The following PPM1D variants were observed in gnomAD, a reference collection of about 807,000 sequenced individuals.
The protein encoded by PPM1D is protein phosphatase 1D.
Under a neutral mutation model 58.3 loss-of-function variants are expected in PPM1D, and 52 were observed. The ratio of observed to expected loss-of-function variants is 0.89; its 90% CI spans 0.71 to 1.12. The LOEUF (loss-of-function observed/expected upper bound fraction) is 1.12. Among genes scored for constraint, PPM1D ranks in the 50% most tolerant of loss-of-function variants. PPM1D has a pLI of 0.00. For missense variants in PPM1D, 564 were observed against 777.2 expected (o/e 0.73, Z 3.26); for synonymous variants, 278 against 285.1 (o/e 0.98, Z 0.25).
At chr17:60,634,522 C>G (rs2030987265) in intron 3 of PPM1D, among the ~76,000 whole-genome samples, 1 of 152,164 alleles carries the variant, frequency 6.6e-6, no homozygotes, top group Non-Finnish European at 1.5e-5. Context: ...ATATGCATAT[C>G]TAGGCTTAAT....
chr17:60,600,988 AAG>A, intron 1 of PPM1D, 102 bp downstream of exon 1: 1 of 1,503,978 alleles, frequency 6.6e-7, no homozygotes, highest in Non-Finnish European at 9.0e-7. Context: ...AGCGCAACCA[AAG>A]TATACACTGA....
intron 2 of PPM1D, among the ~76,000 whole-genome samples, 160 bp downstream of exon 2, chr17:60,623,909 A>G (rs2030753825): frequency 6.6e-6 from 1 of 152,178 alleles, no homozygotes; most frequent in Non-Finnish European, 1.5e-5. Flanking sequence ...ATGTATGTTC[A>G]TATTTTTCTC....
intron 5 of PPM1D, among the ~76,000 whole-genome samples, chr17:60,659,757 A>G (rs999214249): frequency 1.3e-5 from 2 of 152,204 alleles, no homozygotes; most frequent in African/African-American, 4.8e-5. Context: ...TTAGCAATAC[A>G]AATTAACCTG....
At chr17:60,614,259 G>A (rs1290522612) in intron 1 of PPM1D, among the ~76,000 whole-genome samples, 2 of 152,272 alleles carry the variant, frequency 1.3e-5, no homozygotes, top group East Asian at 3.9e-4. Flanking sequence ...TCTGTATCTA[G>A]CTAATCTGGT....
Position 60,666,007 on chromosome 17 carries a change from C to T in PPM1D, c.*2455C>T, listed in dbSNP as rs534079951. On this transcript the variant is annotated 3_prime_UTR_variant, in exon 6 of 6. Coordinates refer to ENST00000305921, the MANE Select transcript of PPM1D (RefSeq NM_003620.4). ...GTCACACAGACCAAGTCAACTACAA[C>T]GTGGGAGACTCCTACACAAGGCATG... 5 of 152,260 alleles carry T rather than the reference C, an allele frequency of 3.3e-5. No individual in the cohort carries two copies. The highest frequency in any genetic ancestry group is 7.4e-5 in the Non-Finnish European group (5 of 68,024). 9.4% of individuals were successfully genotyped at this position (152,260 alleles called of 1,614,324 possible).
At chr17:60,619,105 G>A (rs2030645629) in intron 1 of PPM1D, among the ~76,000 whole-genome samples, 1 of 152,028 alleles carries the variant, frequency 6.6e-6, no homozygotes, top group South Asian at 2.1e-4. Context: ...TTTTTCTTTA[G>A]ATTCCACGTA....
chr17:60,621,014 C>T (rs2030690151), intron 1 of PPM1D, among the ~76,000 whole-genome samples: 1 of 152,034 alleles, frequency 6.6e-6, no homozygotes, highest in South Asian at 2.1e-4. Flanking sequence ...CCTCCACCTC[C>T]AAGGTTCAAG....
intron 5 of PPM1D, chr17:60,657,146 G>T: frequency 8.9e-7 from 1 of 1,121,396 alleles, no homozygotes; most frequent in Non-Finnish European, 1.1e-6. Context: ...TATTTTATTT[G>T]AATCTCGTAG....
intron 3 of PPM1D, among the ~76,000 whole-genome samples, chr17:60,635,469 CCTCCCAAAGTG>C (rs1281889465): frequency 2.0e-5 from 3 of 152,088 alleles, no homozygotes; most frequent in African/African-American, 7.2e-5. Flanking sequence ...CCCGCCTTGG[CCTCCCAAAGTG>C]CTGGGATTAC....
intron 3 of PPM1D, among the ~76,000 whole-genome samples, chr17:60,637,405 T>A (rs1379216340): frequency 3.9e-5 from 6 of 152,252 alleles, no homozygotes; most frequent in African/African-American, 7.2e-5. Context: ...TGTGCCCCGC[T>A]CCTACTCAGT....
intron 2 of PPM1D, among the ~76,000 whole-genome samples, chr17:60,626,970 G>A (rs1048058637): frequency 6.6e-6 from 1 of 151,850 alleles, no homozygotes; most frequent in African/African-American, 2.4e-5. Flanking sequence ...GGGGATTGTT[G>A]TTAGCCATTT....
rs1012914940 is a variant in PPM1D, at chr17:60,624,325, C to G, written c.701+576C>G. On this transcript the variant is annotated intron_variant, in intron 2 of 5. Coordinates refer to ENST00000305921, the MANE Select transcript of PPM1D (RefSeq NM_003620.4). ...ACATGAAAAAATTTAAAAATTATCT[C>G]AATACTAATTTTTAAAAATTGAGGA... Among the ~76,000 whole-genome samples the G allele has an allele frequency of 3.9e-5, 6 of 152,118 alleles. No individual in the cohort carries two copies. In the East Asian group the frequency reaches 1.2e-3, roughly 29 times the overall value.
In PPM1D at chr17:60,606,106, T is replaced by G. The variant is rs575578549; in HGVS notation, c.472+5220T>G. 5.3e-5 allele frequency among the ~76,000 whole-genome samples: 8 copies of G among 152,354 alleles called. No homozygotes were observed. In the South Asian group the frequency reaches 1.7e-3, roughly 32 times the overall value. On this transcript the variant is annotated intron_variant, in intron 1 of 5. Coordinates refer to ENST00000305921, the MANE Select transcript of PPM1D (RefSeq NM_003620.4). ...ATCTCTGGTAACCTCCCCATTCTAC[T>G]TTGTACTGCTATGAATTTGACTATT...
chr17:60,630,154 A>G (rs893120799), intron 2 of PPM1D, among the ~76,000 whole-genome samples: 3 of 152,162 alleles, frequency 2.0e-5, no homozygotes, highest in African/African-American at 4.8e-5. Flanking sequence ...CCTGTTCAAC[A>G]TAGCGGGACC....
Position 60,648,100 on chromosome 17 carries a change from A to G in PPM1D, c.1017+18A>G. The G allele has an allele frequency of 6.3e-7, 1 of 1,592,338 alleles. No homozygotes were observed. Among genetic ancestry groups the G allele is most frequent in the Non-Finnish European group, 8.6e-7 (1 of 1,168,318 alleles). On this transcript the variant is annotated intron_variant, in intron 4 of 5. Coordinates refer to ENST00000305921, the MANE Select transcript of PPM1D (RefSeq NM_003620.4). The stretch of plus-strand genomic sequence containing the variant: ...ACCTGATGGTGAGATGTGATTGAAT[A>G]ACTTGATATTGTTGTCTAAACATTG...
chr17:60,631,372 C>T (rs1303488999), intron 2 of PPM1D, among the ~76,000 whole-genome samples: 4 of 152,120 alleles, frequency 2.6e-5, no homozygotes, highest in African/African-American at 9.7e-5. Flanking sequence ...GGCATGGTGA[C>T]TCATGCCTGT....
At chr17:60,656,344 T>G (rs2031438311) in intron 4 of PPM1D, among the ~76,000 whole-genome samples, 1 of 150,998 alleles carries the variant, frequency 6.6e-6, no homozygotes, top group Admixed American at 6.6e-5. Context: ...TCCTAGCTAC[T>G]CGGGAGGCTG....
At chr17:60,639,811 A>G (rs536072879) in intron 3 of PPM1D, among the ~76,000 whole-genome samples, 122 of 152,352 alleles carry the variant, frequency 8.0e-4, no homozygotes, top group Non-Finnish European at 1.5e-3. Context: ...AGGCCAGAAA[A>G]GTGATATTTG....
chr17:60,623,833 C>A, intron 2 of PPM1D, 84 bp downstream of exon 2: 1 of 1,314,788 alleles, frequency 7.6e-7, no homozygotes, highest in Non-Finnish European at 1.0e-6. Context: ...CTACTACTGT[C>A]CCTTTTACTG....
Sources: gnomAD v4.1 joint callset for allele counts (sites outside exome capture counted in the v4.1 genomes callset) on GRCh38, gnomAD v4.1.1 for gene constraint, MANE v1.5 for transcripts, NCBI Gene and HGNC (gene_info 2026-07-23, HGNC 2026-07-21) for gene names.